The following ABCA7 variants were observed in gnomAD, a reference collection of about 807,000 sequenced individuals.
ABCA7 encodes ATP binding cassette subfamily A member 7.
Under a neutral mutation model 227.6 loss-of-function variants are expected in ABCA7, and 261 were observed. The observed-to-expected ratio is 1.15, with a 90% CI of 1.04 to 1.27. The LOEUF (loss-of-function observed/expected upper bound fraction) is 1.27, where lower values mean the gene tolerates loss of function less well. Ranked by LOEUF, ABCA7 falls within the 50% of genes most tolerant of loss-of-function variation. The pLI, the probability that ABCA7 is intolerant of heterozygous loss-of-function variation, is 0.00. For synonymous variants in ABCA7, 1,488 were observed against 1,279.7 expected (o/e 1.16, Z -3.47); for missense variants, 3,331 against 2,924.5 (o/e 1.14, Z -3.21).
chr19:1,062,151 C>G, intron 41 of ABCA7, 21 bp from the exon 42 acceptor site: 1 of 1,609,822 alleles, frequency 6.2e-7, no homozygotes, highest in South Asian at 1.1e-5. Context: ...CTCTCTGAGC[C>G]CCCGGCGCCC....
chr19:1,056,290 AC>A lies in ABCA7; in HGVS notation c.4417-36del, dbSNP rs1247768058. ...GGGCGTCCTGTCACAGCAAGGTCCA[AC>A]CCCATTGCTCTGACCCTATGACCTT... On this transcript the variant is annotated intron_variant, in intron 32 of 46. Transcript: ENST00000263094. The surrounding 1 kb of genome is among the most constrained non-coding windows in gnomAD (Gnocchi z 4.3). 4 of 1,603,274 alleles carry A rather than the reference AC, an allele frequency of 2.5e-6. No homozygotes were observed. The highest frequency in any genetic ancestry group is 3.4e-6 in the Non-Finnish European group (4 of 1,174,034).
chr19:1,045,862 C>A (rs2040585234), intron 12 of ABCA7, among the ~76,000 whole-genome samples: 1 of 152,134 alleles, frequency 6.6e-6, no homozygotes, highest in Admixed American at 6.5e-5. Context: ...AAAAAATTAG[C>A]CGGGCGTGGT....
Position 1,056,473 on chromosome 19 carries a change from C to G in ABCA7, c.4560C>G (p.Thr1520=). Residue 1520 remains threonine, a synonymous_variant, in exon 33 of 47, where the codon ACC becomes ACG. Transcript: ENST00000263094. The surrounding 1 kb of genome is among the most constrained non-coding windows in gnomAD (Gnocchi z 4.3). The part of the protein sequence containing the change: ...ITTLNHPLNL[T]KEQLSEGALM... ...CACTCAACCACCCCTTGAACCTCAC[C>G]AAGGAGCAGCTGTCTGAGGGTGCAC... 1 of 1,613,494 alleles carries G rather than the reference C, an allele frequency of 6.2e-7. No individual in the cohort carries two copies. Among genetic ancestry groups the G allele is most frequent in the Non-Finnish European group, 8.5e-7 (1 of 1,179,962 alleles).
At chr19:1,053,148 C>T (rs987240126) in intron 23 of ABCA7, among the ~76,000 whole-genome samples, 181 bp from the exon 24 acceptor site, 5 of 152,230 alleles carry the variant, frequency 3.3e-5, no homozygotes, top group Non-Finnish European at 5.9e-5. Context: ...CCTGCTTCAA[C>T]CCTCAAAGTG....
Position 1,065,258 on chromosome 19 carries a change from G to A in ABCA7, c.6286-12G>A. 6.2e-7 allele frequency: 1 copy of A among 1,612,802 alleles called. No individual in the cohort carries two copies. ...CCGTCCCTCTTGTCCCCTCTGGGCT[G>A]CCCACCGCTAGGTATTCTTGTACTT... is the stretch of plus-strand genomic sequence containing the variant. On this transcript the variant is annotated splice_polypyrimidine_tract_variant and intron_variant, in intron 46 of 46. Transcript: ENST00000263094.
At position 1,054,334 on chromosome 19, in the gene ABCA7, T is replaced by A; in HGVS notation, c.3719T>A (p.Phe1240Tyr). 6.3e-7 allele frequency: 1 copy of A among 1,597,594 alleles called. No homozygotes were observed. The highest frequency in any genetic ancestry group is 8.5e-7 in the Non-Finnish European group (1 of 1,177,780). Residue 1240 changes from phenylalanine (F) to tyrosine (Y), a missense_variant, in exon 27 of 47, where the codon TTC becomes TAC. By Grantham distance (22) the Phe-to-Tyr change is conservative. Transcript: ENST00000263094. This position sits in a 1 kb window ranked among gnomAD's most constrained non-coding sequence, Gnocchi z 4.8. ...LLARRSRRGLFAQIVLPALFV... is the reference protein window; with the variant it reads ...LLARRSRRGLYAQIVLPALFV... ...GCCCGCCGCAGCCGCCGCGGCCTGT[T>A]CGCCCAGGTGAGGAGGGCTAGCACC...
At chr19:1,051,351 G>A in intron 20 of ABCA7, 57 bp downstream of exon 20, 1 of 1,500,738 alleles carries the variant, frequency 6.7e-7, no homozygotes, top group Non-Finnish European at 9.0e-7. Context: ...GATTCATCCT[G>A]AAGGCAGGGG....
In ABCA7 at chr19:1,046,283, G is replaced by A; in HGVS notation, c.1499G>A (p.Trp500Ter). 1 of 1,606,498 alleles carries A rather than the reference G, an allele frequency of 6.2e-7. No individual in the cohort carries two copies. Among genetic ancestry groups the A allele is most frequent in the African/African-American group, 1.3e-5 (1 of 75,056 alleles). ...CCCCTGACCGACCTGCGCTACGTGTGGGGCGGCTTCGTGTACCTGCAAGAC... is the reference window on the plus strand; with the variant it reads ...CCCCTGACCGACCTGCGCTACGTGTAGGGCGGCTTCGTGTACCTGCAAGAC... The part of the protein sequence containing the change: ...ADPLTDLRYV[W>*]GGFVYLQDLV... The change falls in exon 13 of 47, where the codon TGG becomes TAG. Residue 500 changes from tryptophan (W) to a stop codon, truncating the protein, a stop_gained. Transcript: ENST00000263094. LOFTEE classifies it high-confidence loss of function.
In ABCA7 at chr19:1,065,411, G is replaced by A. The variant is rs776164309; in HGVS notation, c.6427G>A (p.Glu2143Lys). The A allele has an allele frequency of 5.0e-6, 8 of 1,613,334 alleles. No individual in the cohort carries two copies. The highest frequency in any genetic ancestry group is 1.6e-4 in the Middle Eastern group (1 of 6,062). The stretch of plus-strand genomic sequence containing the variant: ...GTTCCTCGATGACCCTAGCACTGCC[G>A]AGACTGTGCTCTGAGCCTCCCTCCC... ...SQFLDDPSTA[E>K]TVL is the part of the protein sequence containing the mutation. The change falls in exon 47 of 47, where the codon GAG becomes AAG. Residue 2143 changes from glutamate (E) to lysine (K), a missense_variant. Transcript: ENST00000263094.
chr19:1,047,749 G>T (rs2040857458), intron 16 of ABCA7, 95 bp downstream of exon 16: 1 of 1,354,124 alleles, frequency 7.4e-7, no homozygotes, highest in Non-Finnish European at 9.8e-7. Context: ...GGGGGTGGGG[G>T]GTGGCTTATT....
Position 1,054,226 on chromosome 19 carries a change from G to A in ABCA7, c.3611G>A (p.Gly1204Glu). ...GCCCCAGAGACTGACCAGGGCTCTGGGCCAGACGCCGTGGGCCGGGTACAG... is the reference window on the plus strand; with the variant it reads ...GCCCCAGAGACTGACCAGGGCTCTGAGCCAGACGCCGTGGGCCGGGTACAG... ...GSAPETDQGS[G>E]PDAVGRVQGW... is the part of the protein sequence containing the mutation. The change falls in exon 27 of 47, where the codon GGG (glycine) becomes GAG (glutamate). Residue 1204 changes from glycine to glutamate, a missense_variant. By Grantham distance (98) the Gly-to-Glu change is moderately conservative. Transcript: ENST00000263094. This position sits in a 1 kb window ranked among gnomAD's most constrained non-coding sequence, Gnocchi z 4.8. The A allele has an allele frequency of 1.2e-6, 2 of 1,608,558 alleles. No homozygotes were observed. Among genetic ancestry groups the A allele is most frequent in the Non-Finnish European group, 1.7e-6 (2 of 1,177,220 alleles).
In ABCA7 at chr19:1,042,816, T is replaced by C. The variant is rs1217636740; in HGVS notation, c.569T>C (p.Leu190Pro). ...AGCTTGTTGGAGGCCGCTGAGGACC[T>C]GGCCCAGGAGGTACGAGGCCCCACT... ...LHSLLEAAED[L>P]AQELLALRSL... Residue 190 changes from leucine to proline, a missense_variant, in exon 7 of 47, where the codon CTG becomes CCG. Coordinates refer to ENST00000263094, the MANE Select transcript of ABCA7 (RefSeq NM_019112.4). 1.9e-6 allele frequency: 3 copies of C among 1,606,648 alleles called. No individual in the cohort carries two copies. Among genetic ancestry groups the C allele is most frequent in the Non-Finnish European group, 2.5e-6 (3 of 1,177,414 alleles).
Position 1,063,594 on chromosome 19 carries a change from G to C in ABCA7, c.5763G>C (p.Arg1921=). The C allele has an allele frequency of 6.2e-7, 1 of 1,611,228 alleles. No individual in the cohort carries two copies. The highest frequency in any genetic ancestry group is 2.2e-5 in the East Asian group (1 of 44,874). ...ARLGLSWYAD[R]PAGTYSGGNK... The stretch of plus-strand genomic sequence containing the variant: ...TGGGACTCTCATGGTACGCAGACCG[G>C]CCTGCAGGCACCTACAGCGGAGGGA... The change falls in exon 43 of 47, where the codon CGG becomes CGC. Residue 1921 remains arginine (R), a synonymous_variant. Transcript: ENST00000263094.
chr19:1,048,848 C>T (rs1316626638), intron 16 of ABCA7, 47 bp from the exon 17 acceptor site: 3 of 1,055,122 alleles, frequency 2.8e-6, no homozygotes, highest in South Asian at 3.4e-5. Context: ...AAGCCTGGTA[C>T]ACTCCTGGGG....
rs781565527 is a variant in ABCA7 at position 1,054,033 on chromosome 19, C to T, written c.3500C>T (p.Thr1167Ile). 2.5e-6 allele frequency: 4 copies of T among 1,613,228 alleles called. No homozygotes were observed. Among genetic ancestry groups the T allele is most frequent in the South Asian group, 2.2e-5 (2 of 91,088 alleles). Residue 1167 changes from threonine (T) to isoleucine (I), a missense_variant, in exon 26 of 47, where the codon ACA becomes ATA. Transcript: ENST00000263094. The surrounding 1 kb of genome is among the most constrained non-coding windows in gnomAD (Gnocchi z 4.8). Reference protein sequence around the residue: ...EDGSCGQHLCTGIAGLDVTLR... With the variant: ...EDGSCGQHLCIGIAGLDVTLR... ...GGCAGCTGCGGGCAGCACCTATGCA[C>T]AGGCATTGCTGGCCTAGACGTAACC...
chr19:1,044,716 T>C lies in ABCA7; in HGVS notation c.1187T>C (p.Leu396Pro). The change falls in exon 11 of 47, where the codon CTG (leucine) becomes CCG (proline). Residue 396 changes from leucine (L) to proline (P), a missense_variant. By Grantham distance (98) the Leu-to-Pro change is moderately conservative (BLOSUM62 -3). Coordinates refer to ENST00000263094, the MANE Select transcript of ABCA7 (RefSeq NM_019112.4). ...GACGCACACGCTGATGTGGGGCACC[T>C]GGTGGGCACGCTGGGCCGAGTGACG... ...WQDAHADVGH[L>P]VGTLGRVTEC... 2 of 1,610,574 alleles carry C rather than the reference T, an allele frequency of 1.2e-6. No individual in the cohort carries two copies. Among genetic ancestry groups the C allele is most frequent in the Non-Finnish European group, 1.7e-6 (2 of 1,179,570 alleles).
rs748225690 is a variant in ABCA7 at position 1,057,439 on chromosome 19, C to G, written c.4880+10C>G. 6.2e-7 allele frequency: 1 copy of G among 1,608,804 alleles called. No homozygotes were observed. The highest frequency in any genetic ancestry group is 1.1e-5 in the South Asian group (1 of 90,978). On this transcript the variant is annotated intron_variant, in intron 35 of 46. Coordinates refer to ENST00000263094, the MANE Select transcript of ABCA7 (RefSeq NM_019112.4). ...TGCTACTACTGTATGGGTGAGGCCC[C>G]CAGTCCCTCAGGGCCTATTCTTACT...
intron 40 of ABCA7, among the ~76,000 whole-genome samples, chr19:1,060,288 G>A (rs969087616): frequency 4.6e-5 from 7 of 150,772 alleles, no homozygotes; most frequent in African/African-American, 1.5e-4. Flanking sequence ...CTTGGCTCAC[G>A]GTAACCTCCG....
At chr19:1,043,578 T>C (rs2040276727) in intron 9 of ABCA7, 105 bp downstream of exon 9, 4 of 1,586,870 alleles carry the variant, frequency 2.5e-6, no homozygotes, top group Non-Finnish European at 3.4e-6. Flanking sequence ...CGGAAACTAT[T>C]TGAAGAAGTA....
Sources: gnomAD v4.1 joint callset for allele counts (sites outside exome capture counted in the v4.1 genomes callset) on GRCh38, gnomAD v4.1.1 for gene constraint, Gnocchi (gnomAD v3.1) non-coding constraint, MANE v1.5 for transcripts, NCBI Gene and HGNC (gene_info 2026-07-23, HGNC 2026-07-21) for gene names.